Variants in TUSC3 observed in about 807,000 individuals in gnomAD.
TUSC3 encodes the protein dolichyl-diphosphooligosaccharide--protein glycosyltransferase subunit TUSC3.
A neutral mutation model predicts 44.8 loss-of-function variants in TUSC3; 45 were observed. The observed-to-expected ratio is 1.00, with a 90% CI of 0.79 to 1.29. The LOEUF (loss-of-function observed/expected upper bound fraction) is 1.29. Ranked by LOEUF, TUSC3 falls within the 50% of genes most tolerant of loss-of-function variation. The pLI, the probability that TUSC3 is intolerant of heterozygous loss-of-function variation, is 0.00. For synonymous variants in TUSC3, 212 were observed against 152.9 expected, an observed-to-expected ratio of 1.39 and a Z score of -2.85; for missense variants, 519 against 437.9, an observed-to-expected ratio of 1.19 and a Z score of -1.65.
At chr8:15,847,343 C>T in the TUSC3 span, among the ~76,000 whole-genome samples, 7,087 of 152,228 alleles carry the variant, frequency 0.047, 590 homozygotes, top group African/African-American at 0.16. Flanking sequence ...CTCCTAGACA[C>T]GGTACATGAT....
At chr8:15,776,814 G>A in the TUSC3 span, among the ~76,000 whole-genome samples, 2 of 151,958 alleles carry the variant, frequency 1.3e-5, no homozygotes, top group African/African-American at 2.4e-5. Flanking sequence ...CTTCCAGAAC[G>A]ATTCTATAAA....
In TUSC3 at chr8:15,704,465, G is replaced by A. The variant is rs553043017; in HGVS notation, c.799-26201G>A. Among the ~76,000 whole-genome samples, 98 of 152,046 alleles carry A rather than the reference G, an allele frequency of 6.4e-4. 1 individual carries two copies. The highest frequency in any genetic ancestry group is 2.3e-3 in the African/African-American group (97 of 41,476). ...TAAGTGATGTGGAAGCCATTTGAAG[G>A]ATATCAAGCCAAGGAGTGAGATAAT... On this transcript the variant is annotated intron_variant, in intron 6 of 10. Transcript: ENST00000503731.
chr8:15,743,640 A>G, intron 8 of TUSC3, 28 bp downstream of exon 8: 1 of 1,612,590 alleles, frequency 6.2e-7, no homozygotes, highest in Non-Finnish European at 8.5e-7. Flanking sequence ...CATTTTTGTA[A>G]TTTCGTTTTA....
chr8:15,650,550 T>G, intron 2 of TUSC3, 147 bp from the exon 3 acceptor site: 1 of 638,508 alleles, frequency 1.6e-6, no homozygotes, highest in Non-Finnish European at 2.7e-6. Context: ...ATCCTTTTTT[T>G]AAAAAAAAAT....
At chr8:15,659,396 G>C in intron 3 of TUSC3, 111 bp from the exon 4 acceptor site, 1 of 1,373,034 alleles carries the variant, frequency 7.3e-7, no homozygotes. Flanking sequence ...AAAACCACTT[G>C]GATTTTCATA....
chr8:15,823,975 T>C, the TUSC3 span, among the ~76,000 whole-genome samples: 1 of 152,220 alleles, frequency 6.6e-6, no homozygotes, highest in Admixed American at 6.5e-5. Flanking sequence ...AGAAAACATA[T>C]GCAAGAAGCA....
intron 1 of TUSC3, among the ~76,000 whole-genome samples, chr8:15,575,713 G>C (rs964291524): frequency 1.3e-5 from 2 of 152,164 alleles, no homozygotes; most frequent in African/African-American, 4.8e-5. Flanking sequence ...GTTGCAGTCA[G>C]CTGAGATTGT....
At chr8:15,468,757 G>A (rs1718396023) in intron 1 of TUSC3, among the ~76,000 whole-genome samples, 1 of 152,088 alleles carries the variant, frequency 6.6e-6, no homozygotes, top group Admixed American at 6.6e-5. Context: ...CTTTATATTA[G>A]AAGTGATGCT....
intron 1 of TUSC3, among the ~76,000 whole-genome samples, chr8:15,542,163 A>G (rs1012835114): frequency 2.6e-5 from 4 of 152,050 alleles, no homozygotes; most frequent in African/African-American, 9.7e-5. Flanking sequence ...TTTGATCTGG[A>G]AGGGTGGGAC....
the TUSC3 span, among the ~76,000 whole-genome samples, chr8:15,782,687 C>G: frequency 6.6e-6 from 1 of 152,058 alleles, no homozygotes; most frequent in Non-Finnish European, 1.5e-5. Context: ...AATTCAACAT[C>G]CTGTCATGAT....
At chr8:15,751,843 CAG>C (rs1024612340) in intron 9 of TUSC3, among the ~76,000 whole-genome samples, 15 of 152,242 alleles carry the variant, frequency 9.9e-5, no homozygotes, top group Non-Finnish European at 2.1e-4. Context: ...ACAGCTGAGT[CAG>C]AATCTCCAAG....
At chr8:15,448,131 A>ATTTATTTG (rs1563253395) in intron 1 of TUSC3, among the ~76,000 whole-genome samples, 1 of 144,074 alleles carries the variant, frequency 6.9e-6, no homozygotes, top group Non-Finnish European at 1.5e-5. Context: ...TTATTTATTT[A>ATTTATTTG]TTTTTTAGAT....
intron 1 of TUSC3, among the ~76,000 whole-genome samples, chr8:15,551,116 G>A (rs1037722637): frequency 1.3e-5 from 2 of 151,736 alleles, no homozygotes; most frequent in Non-Finnish European, 2.9e-5. Flanking sequence ...GGTTGAACAA[G>A]ATCAGGATTT....
intron 2 of TUSC3, among the ~76,000 whole-genome samples, chr8:15,628,720 AGATACC>A: frequency 6.6e-6 from 1 of 152,332 alleles, no homozygotes; most frequent in East Asian, 1.9e-4. Flanking sequence ...TGTAGCATTG[AGATACC>A]GTTTTTGAAA....
At chr8:15,446,556 T>A (rs1380980619) in intron 1 of TUSC3, among the ~76,000 whole-genome samples, 2 of 151,570 alleles carry the variant, frequency 1.3e-5, no homozygotes, top group Admixed American at 1.3e-4. Context: ...CGAAACCCCG[T>A]CTCCACCAAA....
At chr8:15,486,479 C>T (rs1800734484) in intron 2 of TUSC3, among the ~76,000 whole-genome samples, 1 of 152,052 alleles carries the variant, frequency 6.6e-6, no homozygotes, top group African/African-American at 2.4e-5. Flanking sequence ...GAGTCTTGCC[C>T]TTTTGCCCAG....
chr8:15,600,356 C>T (rs1279419923), intron 1 of TUSC3, among the ~76,000 whole-genome samples: 1 of 151,682 alleles, frequency 6.6e-6, no homozygotes, highest in Non-Finnish European at 1.5e-5. Flanking sequence ...AGAGATGCTT[C>T]ATCTAAGGAC....
intron 2 of TUSC3, among the ~76,000 whole-genome samples, chr8:15,487,805 G>C (rs528726410): frequency 6.6e-6 from 1 of 151,554 alleles, no homozygotes; most frequent in Middle Eastern, 3.2e-3. Context: ...CACTTCATTT[G>C]ACATCGTTGT....
chr8:15,419,980 T>C (rs900356807), intron 1 of TUSC3, among the ~76,000 whole-genome samples: 6 of 152,150 alleles, frequency 3.9e-5, no homozygotes, highest in African/African-American at 1.4e-4. Flanking sequence ...GGACAATATA[T>C]TTCAATGAAT....
Sources: gnomAD v4.1 joint callset for allele counts (sites outside exome capture counted in the v4.1 genomes callset) on GRCh38, gnomAD v4.1.1 for gene constraint, MANE v1.5 for transcripts, NCBI Gene and HGNC (gene_info 2026-07-23, HGNC 2026-07-21) for gene names.